The following ABCB9 variants were observed in gnomAD, a reference collection of about 807,000 sequenced individuals.
ABCB9 encodes the protein ATP binding cassette subfamily B member 9, also known as ABC-type oligopeptide transporter ABCB9.
In ABCB9, 36 loss-of-function variants were observed where a neutral mutation model predicts 62.0. That is an observed-to-expected ratio of 0.58 (90% CI 0.45 to 0.77). The LOEUF (loss-of-function observed/expected upper bound fraction) is 0.77, where lower values mean the gene tolerates loss of function less well. ABCB9 is among the 30% of genes least tolerant of loss of function. The probability of loss-of-function intolerance (pLI) is 0.00; values close to 1 mark genes in which losing one functional copy is unlikely to be tolerated. For missense variants in ABCB9, 943 were observed against 1,054.7 expected, an observed-to-expected ratio of 0.89 and a Z score of 1.47; for synonymous variants, 435 against 461.4, an observed-to-expected ratio of 0.94 and a Z score of 0.73.
At chr12:122,963,171 G>A (rs61955195) in intron 1 of ABCB9, among the ~76,000 whole-genome samples, 22 of 152,154 alleles carry the variant, frequency 1.4e-4, no homozygotes, top group Non-Finnish European at 2.8e-4. Context: ...GGTGGTGCAC[G>A]CCTGTAACCC....
downstream of ABCB9, among the ~76,000 whole-genome samples, chr12:122,927,692 G>C (rs902909313): frequency 1.3e-5 from 2 of 152,168 alleles, no homozygotes; most frequent in African/African-American, 2.4e-5. Flanking sequence ...AGACTGGAAC[G>C]GGGCTGGGCT....
chr12:122,960,030 G>A lies in ABCB9; in HGVS notation c.206C>T (p.Ala69Val). 6.2e-7 allele frequency: 1 copy of A among 1,613,462 alleles called. No homozygotes were observed. Among genetic ancestry groups the A allele is most frequent in the Non-Finnish European group, 8.5e-7 (1 of 1,180,044 alleles). Residue 69 changes from alanine to valine, a missense_variant, in exon 2 of 12, where the codon GCC (alanine) becomes GTC (valine). Coordinates refer to ENST00000280560, the MANE Select transcript of ABCB9 (RefSeq NM_019625.4). ...CCGGGGCCCCAGCGCACTGTTCTTGGCCACACCAATGGTGGCTCCCAGCAG... is the reference window on the plus strand; with the variant it reads ...CCGGGGCCCCAGCGCACTGTTCTTGACCACACCAATGGTGGCTCCCAGCAG... ...CLLLGATIGVAKNSALGPRRL... is the reference protein window; with the variant it reads ...CLLLGATIGVVKNSALGPRRL...
intron 1 of ABCB9, among the ~76,000 whole-genome samples, chr12:122,965,841 G>A (rs1023989469): frequency 8.5e-5 from 13 of 152,220 alleles, no homozygotes; most frequent in Non-Finnish European, 1.2e-4. Context: ...GCCTGCTGAG[G>A]AGACTGAGAA....
intron 11 of ABCB9, among the ~76,000 whole-genome samples, chr12:122,922,635 TCCCAAAGTGCTGGG>T (rs2135730814): frequency 6.6e-6 from 1 of 152,372 alleles, no homozygotes; most frequent in Admixed American, 6.5e-5. Context: ...CACCTTGGCC[TCCCAAAGTGCTGGG>T]ATTACAGGTG....
At chr12:122,963,978 G>A (rs1462631577) in intron 1 of ABCB9, among the ~76,000 whole-genome samples, 3 of 152,188 alleles carry the variant, frequency 2.0e-5, no homozygotes, top group Admixed American at 6.5e-5. Flanking sequence ...GCCGTGGGGA[G>A]CGAGCGAGTG....
Position 122,948,804 on chromosome 12 carries a change from C to A in ABCB9, c.873G>T (p.Ser291=), listed in dbSNP as rs115575449. 6.2e-4 allele frequency: 978 copies of A among 1,583,876 alleles called. 2 individuals carry two copies. Among genetic ancestry groups the A allele is most frequent in the Non-Finnish European group, 7.6e-4 (886 of 1,164,468 alleles). The change falls in exon 5 of 12, where the codon TCG becomes TCT. Residue 291 remains serine, a synonymous_variant. Coordinates refer to ENST00000280560, the MANE Select transcript of ABCB9 (RefSeq NM_019625.4). Reference sequence around the variant, plus strand: ...CCAGGTCGCTGACCATGGTGGTGTCCGAGGTCAGGCGGGAGATGAGGTCCC... The same window carrying A: ...CCAGGTCGCTGACCATGGTGGTGTCAGAGGTCAGGCGGGAGATGAGGTCCC... The part of the protein sequence containing the change: ...RTGDLISRLT[S]DTTMVSDLVS...
chr12:122,960,197 G>A lies in ABCB9; in HGVS notation c.39C>T (p.Phe13=). The change falls in exon 2 of 12, where the codon TTC becomes TTT. Residue 13 remains phenylalanine (F), a synonymous_variant. Coordinates refer to ENST00000280560, the MANE Select transcript of ABCB9 (RefSeq NM_019625.4). ...LWKAVVVTLA[F]MSVDICVTTA... is the part of the protein sequence containing the mutation. The stretch of plus-strand genomic sequence containing the variant: ...TGGTCACGCAGATGTCCACACTCAT[G>A]AAGGCCAAAGTCACCACCACCGCCT... The A allele has an allele frequency of 6.2e-7, 1 of 1,613,382 alleles. No individual in the cohort carries two copies. The highest frequency in any genetic ancestry group is 8.5e-7 in the Non-Finnish European group (1 of 1,179,966).
chr12:122,925,359 T>A (rs2034869624), downstream of ABCB9, among the ~76,000 whole-genome samples: 1 of 152,054 alleles, frequency 6.6e-6, no homozygotes, highest in African/African-American at 2.4e-5. Context: ...GTCTGGCAGT[T>A]CCTCAAAACG....
rs1308325808 is a variant in ABCB9 at position 122,947,992 on chromosome 12, G to A, written c.1053+632C>T. 1 of 152,992 alleles carries A rather than the reference G, an allele frequency of 6.5e-6. No homozygotes were observed. Among genetic ancestry groups the A allele is most frequent in the African/African-American group, 2.4e-5 (1 of 41,448 alleles). The allele number at this position is 152,992 out of a possible 1,614,324, so 9.5% of individuals were successfully genotyped here. ...TGTGTCACCCAGGCTAGAGTATAGT[G>A]GCACGATCATTGCTCACTACAGCCT... is the stretch of plus-strand genomic sequence containing the variant. On this transcript the variant is annotated intron_variant, in intron 5 of 11. Transcript: ENST00000280560. The surrounding 1 kb of genome is among the most constrained non-coding windows in gnomAD (Gnocchi z 6.0).
chr12:122,958,187 A>AG (rs1352145739), intron 2 of ABCB9, among the ~76,000 whole-genome samples: 1 of 151,388 alleles, frequency 6.6e-6, no homozygotes, highest in African/African-American at 2.4e-5. Context: ...AAAAAAAAAA[A>AG]AAAATTCATG....
intron 2 of ABCB9, chr12:122,953,045 C>T (rs941803825): frequency 2.6e-5 from 4 of 152,208 alleles, no homozygotes; most frequent in African/African-American, 7.2e-5. Flanking sequence ...CAATAGCCCA[C>T]AAGGACCTGC....
chr12:122,967,275 G>C (rs1168183993), upstream of ABCB9, among the ~76,000 whole-genome samples: 1 of 152,178 alleles, frequency 6.6e-6, no homozygotes, highest in Non-Finnish European at 1.5e-5. Context: ...AAATAAAATT[G>C]TGTAAGTGAA....
rs2036126306 is a variant in ABCB9 at position 122,947,813 on chromosome 12, G to C, written c.1053+811C>G. The C allele has an allele frequency of 5.9e-6, 1 of 169,114 alleles. No individual in the cohort carries two copies. The highest frequency in any genetic ancestry group is 1.3e-5 in the Non-Finnish European group (1 of 75,740). The allele number at this position is 169,114 out of a possible 1,614,324, so 10.5% of individuals were successfully genotyped here. A position where few individuals can be genotyped will look rare whatever the true frequency, so the allele number is the denominator to read the frequency against. On this transcript the variant is annotated intron_variant, in intron 5 of 11. Transcript: ENST00000280560. The surrounding 1 kb of genome is among the most constrained non-coding windows in gnomAD (Gnocchi z 6.0). ...CCACCCCCACATACACACCAGGCAC[G>C]TTCCAACCCAGGGCCTTTTCACTGG...
At chr12:122,968,991 A>C (rs779189315), upstream of ABCB9, among the ~76,000 whole-genome samples, 1 of 152,102 alleles carries the variant, frequency 6.6e-6, no homozygotes, top group African/African-American at 2.4e-5. Context: ...TCCCTTTCAC[A>C]TATCTGGCCC....
rs374452960 is a variant in ABCB9, at chr12:122,960,075, C to A, written c.161G>T (p.Cys54Phe). The change falls in exon 2 of 12, where the codon TGC becomes TTC. Residue 54 changes from cysteine (C) to phenylalanine (F), a missense_variant. Physicochemically the swap from Cys to Phe is radical, Grantham distance 205. Coordinates refer to ENST00000280560, the MANE Select transcript of ABCB9 (RefSeq NM_019625.4). ...FDSVLDLWAA[C>F]LYRSCLLLGA... Reference sequence around the variant, plus strand: ...CAGCAGCAGGCAGCTGCGGTACAGGCAGGCTGCCCAGAGATCCAGCACCGA... The same window carrying A: ...CAGCAGCAGGCAGCTGCGGTACAGGAAGGCTGCCCAGAGATCCAGCACCGA... The A allele has an allele frequency of 6.2e-7, 1 of 1,613,346 alleles. No individual in the cohort carries two copies. The highest frequency in any genetic ancestry group is 1.3e-5 in the African/African-American group (1 of 74,948).
Position 122,929,713 on chromosome 12 carries a change from G to A in ABCB9, c.*198C>T. The A allele has an allele frequency of 1.5e-6, 2 of 1,344,224 alleles. No individual in the cohort carries two copies. The highest frequency in any genetic ancestry group is 1.9e-6 in the Non-Finnish European group (2 of 1,045,132). The allele number at this position is 1,344,224 out of a possible 1,614,324, so 83.3% of individuals were successfully genotyped here. On this transcript the variant is annotated 3_prime_UTR_variant, in exon 12 of 12. Transcript: ENST00000280560. This position sits in a 1 kb window ranked among gnomAD's most constrained non-coding sequence, Gnocchi z 6.0. Reference sequence around the variant, plus strand: ...AGGTCCGTGAAGGCGTTGGCTCAGGGCAGCAGGGGTAAGGAGTGCCCTGGG... The same window carrying A: ...AGGTCCGTGAAGGCGTTGGCTCAGGACAGCAGGGGTAAGGAGTGCCCTGGG...
rs148691993 is a variant in ABCB9, at chr12:122,930,148, G to T, written c.2064C>A (p.Asn688Lys). The T allele has an allele frequency of 4.5e-6, 7 of 1,550,356 alleles. No individual in the cohort carries two copies. The African/African-American group carries it at 9.6e-5, about 21-fold the overall frequency. Residue 688 changes from asparagine to lysine, a missense_variant, in exon 12 of 12, where the codon AAC becomes AAA. Physicochemically the swap from Asn to Lys is moderately conservative, Grantham distance 94. Transcript: ENST00000280560. The surrounding 1 kb of genome is among the most constrained non-coding windows in gnomAD (Gnocchi z 4.9). ...TGATGAGTACCGTGTGCTTCTGCAG[G>T]TTGCCATGGATGGCCTGCTGGATCT... ...EYLIQQAIHGNLQKHTVLIIA... is the reference protein window; with the variant it reads ...EYLIQQAIHGKLQKHTVLIIA...
rs544082387 is a variant in ABCB9 at position 122,947,529 on chromosome 12, C to A, written c.1053+1095G>T. 1.8e-5 allele frequency: 8 copies of A among 450,274 alleles called. No individual in the cohort carries two copies. The highest frequency in any genetic ancestry group is 4.0e-5 in the African/African-American group (2 of 49,948). 27.9% of individuals were successfully genotyped at this position (450,274 alleles called of 1,614,324 possible). On this transcript the variant is annotated intron_variant, in intron 5 of 11. Coordinates refer to ENST00000280560, the MANE Select transcript of ABCB9 (RefSeq NM_019625.4). The surrounding 1 kb of genome is among the most constrained non-coding windows in gnomAD (Gnocchi z 6.0). Reference sequence around the variant, plus strand: ...CCAAGCCCCTGCTCTAGAAGTACCCCACGTGGGCCTGGGTGACTGTGAGGG... The same window carrying A: ...CCAAGCCCCTGCTCTAGAAGTACCCAACGTGGGCCTGGGTGACTGTGAGGG...
rs1263164733 is a variant in ABCB9 at position 122,929,505 on chromosome 12, G to A, written c.*406C>T. 4 of 1,000,722 alleles carry A rather than the reference G, an allele frequency of 4.0e-6. No individual in the cohort carries two copies. The highest frequency in any genetic ancestry group is 4.8e-6 in the Non-Finnish European group (4 of 840,302). The allele number at this position is 1,000,722 out of a possible 1,614,324, so 62.0% of individuals were successfully genotyped here. On this transcript the variant is annotated 3_prime_UTR_variant, in exon 12 of 12. Transcript: ENST00000280560. This position sits in a 1 kb window ranked among gnomAD's most constrained non-coding sequence, Gnocchi z 6.0. ...GACATCCCCCAGGCTACTAAGGAAG[G>A]GCCATTCACTCCTGGCTCAGAAGTT... is the stretch of plus-strand genomic sequence containing the variant.
Sources: gnomAD v4.1 joint callset for allele counts (sites outside exome capture counted in the v4.1 genomes callset) on GRCh38, gnomAD v4.1.1 for gene constraint, Gnocchi (gnomAD v3.1) non-coding constraint, MANE v1.5 for transcripts, NCBI Gene and HGNC (gene_info 2026-07-23, HGNC 2026-07-21) for gene names.